Variants in KIN observed in about 807,000 individuals in gnomAD.
KIN encodes the protein DNA/RNA-binding protein KIN17.
In KIN, 47 loss-of-function variants were observed where a neutral mutation model predicts 63.0. The ratio of observed to expected loss-of-function variants is 0.75; its 90% CI spans 0.59 to 0.95. KIN has a LOEUF of 0.95. Among genes scored for constraint, KIN ranks in the 40% least tolerant of loss-of-function variants. The probability of loss-of-function intolerance (pLI) is 0.00; values close to 1 mark genes in which losing one functional copy is unlikely to be tolerated. For missense variants in KIN, 408 were observed against 460.9 expected (o/e 0.89, Z 1.05); for synonymous variants, 160 against 157.7 (o/e 1.01, Z -0.11).
Position 7,787,679 on chromosome 10 carries a change from C to T in KIN, c.114+141G>A, listed in dbSNP as rs554654102. 9 of 669,400 alleles carry T rather than the reference C, an allele frequency of 1.3e-5. No individual in the cohort carries two copies. The East Asian group carries it at 2.3e-4, about 17-fold the overall frequency. The allele number at this position is 669,400 out of a possible 1,614,324, so 41.5% of individuals were successfully genotyped here. A position where few individuals can be genotyped will look rare whatever the true frequency, so the allele number is the denominator to read the frequency against. On this transcript the variant is annotated intron_variant, in intron 1 of 12. Coordinates refer to ENST00000379562, the MANE Select transcript of KIN (RefSeq NM_012311.4). ...CGGCTCTCGTGCGCTGAGTAGTTGA[C>T]TCGCCCACTGCAGACCTCAGAAGCC...
At chr10:7,767,949 A>T (rs967607314) in intron 8 of KIN, among the ~76,000 whole-genome samples, 2 of 151,916 alleles carry the variant, frequency 1.3e-5, no homozygotes, top group South Asian at 2.1e-4. Flanking sequence ...CAGAGGAAAT[A>T]ATATTAAAGA....
intron 7 of KIN, among the ~76,000 whole-genome samples, chr10:7,771,883 G>A (rs1357455399): frequency 9.3e-5 from 12 of 129,130 alleles, no homozygotes; most frequent in Non-Finnish European, 1.6e-4. Context: ...CAACAAGAGC[G>A]AAATTCCGTC....
chr10:7,758,313 G>A (rs980578307), intron 12 of KIN, among the ~76,000 whole-genome samples: 4 of 151,996 alleles, frequency 2.6e-5, no homozygotes, highest in African/African-American at 7.2e-5. Context: ...CAGGTGATTC[G>A]TCCGCCTCAG....
At position 7,756,005 on chromosome 10, in the gene KIN, A is replaced by T; in HGVS notation, c.*75T>A. ...ACAAAAGAATATACCCTAACACAGTAGAGTCTCATAATGCCTTGGCGAACA... is the reference window on the plus strand; with the variant it reads ...ACAAAAGAATATACCCTAACACAGTTGAGTCTCATAATGCCTTGGCGAACA... On this transcript the variant is annotated 3_prime_UTR_variant, in exon 13 of 13. Coordinates refer to ENST00000379562, the MANE Select transcript of KIN (RefSeq NM_012311.4). 1 of 807,386 alleles carries T rather than the reference A, an allele frequency of 1.2e-6. No individual in the cohort carries two copies. Among genetic ancestry groups the T allele is most frequent in the African/African-American group, 1.7e-5 (1 of 58,156 alleles). 50.0% of individuals were successfully genotyped at this position (807,386 alleles called of 1,614,324 possible). A position where few individuals can be genotyped will look rare whatever the true frequency, so the allele number is the denominator to read the frequency against.
At chr10:7,780,445 A>C (rs1588486496) in intron 2 of KIN, 138 bp from the exon 3 acceptor site, 1 of 650,358 alleles carries the variant, frequency 1.5e-6, no homozygotes, top group East Asian at 2.8e-5. Flanking sequence ...CCCAAGCTGG[A>C]GTGCAATAGT....
chr10:7,766,101 A>G lies in KIN; in HGVS notation c.801T>C (p.Ile267=), dbSNP rs762533630. 2 of 1,605,744 alleles carry G rather than the reference A, an allele frequency of 1.2e-6. No homozygotes were observed. The highest frequency in any genetic ancestry group is 2.2e-5 in the South Asian group (2 of 90,518). The change falls in exon 9 of 13, where the codon ATT becomes ATC. Residue 267 remains isoleucine (I), a splice_region_variant and synonymous_variant. Coordinates refer to ENST00000379562, the MANE Select transcript of KIN (RefSeq NM_012311.4). ...KKSALDEIME[I]EEEKKRTART... is the part of the protein sequence containing the mutation. ...GGGCAGTTCTTTTCTTTTCCTCTTC[A>G]ATCTGTAGAACACATAATGTCTTAA...
intron 12 of KIN, among the ~76,000 whole-genome samples, chr10:7,758,210 C>A (rs1588469216): frequency 6.6e-6 from 1 of 152,042 alleles, no homozygotes; most frequent in South Asian, 2.1e-4. Flanking sequence ...GCTGGGACTT[C>A]AGGCATTTGC....
Position 7,775,809 on chromosome 10 carries a change from A to C in KIN, c.559-10T>G, listed in dbSNP as rs968881251. On this transcript the variant is annotated splice_polypyrimidine_tract_variant and intron_variant, in intron 5 of 12. Transcript: ENST00000379562. ...TAAAAGTAGGGACCTCCTAAAAAAA[A>C]GAAAGTTTTAAGGTTTTGGTGTACA... 4 of 1,535,792 alleles carry C rather than the reference A, an allele frequency of 2.6e-6. No individual in the cohort carries two copies. Among genetic ancestry groups the C allele is most frequent in the Non-Finnish European group, 3.5e-6 (4 of 1,129,312 alleles).
intron 2 of KIN, 41 bp from the exon 3 acceptor site, chr10:7,780,348 A>C (rs1391915599): frequency 6.7e-7 from 1 of 1,494,444 alleles, no homozygotes; most frequent in South Asian, 1.2e-5. Context: ...TAATTTCTAC[A>C]AACATATAGC....
intron 7 of KIN, among the ~76,000 whole-genome samples, chr10:7,774,486 C>T (rs919618928): frequency 6.6e-6 from 1 of 151,790 alleles, no homozygotes; most frequent in Admixed American, 6.6e-5. Context: ...ATGAGGCTTT[C>T]CTCAAAAAAC....
intron 12 of KIN, 101 bp from the exon 13 acceptor site, chr10:7,756,243 C>G: frequency 1.8e-6 from 1 of 566,972 alleles, no homozygotes. Context: ...TTTTCCGCAT[C>G]CCTAAAATAC....
At chr10:7,763,682 A>G (rs1273681628) in intron 10 of KIN, 41 bp downstream of exon 10, 4 of 1,135,316 alleles carry the variant, frequency 3.5e-6, no homozygotes, top group East Asian at 5.0e-5. Context: ...CAGTGACCCA[A>G]GCTTTTTTCA....
chr10:7,787,989 G>T lies in KIN; in HGVS notation c.-56C>A. 1 of 1,439,120 alleles carries T rather than the reference G, an allele frequency of 6.9e-7. No individual in the cohort carries two copies. The highest frequency in any genetic ancestry group is 9.8e-7 in the Non-Finnish European group (1 of 1,020,666). The allele number at this position is 1,439,120 out of a possible 1,614,324, so 89.1% of individuals were successfully genotyped here. A position where few individuals can be genotyped will look rare whatever the true frequency, so the allele number is the denominator to read the frequency against. On this transcript the variant is annotated 5_prime_UTR_variant, in exon 1 of 13. Transcript: ENST00000379562. ...CCCAGTACTCAGCCAGCCGGAAACGGAACCGGGCTGGCGGCGGTGGGCGGG... is the reference window on the plus strand; with the variant it reads ...CCCAGTACTCAGCCAGCCGGAAACGTAACCGGGCTGGCGGCGGTGGGCGGG...
chr10:7,762,880 A>G (rs1330458311), intron 10 of KIN, among the ~76,000 whole-genome samples: 1 of 152,240 alleles, frequency 6.6e-6, no homozygotes, highest in East Asian at 1.9e-4. Flanking sequence ...ATAGGCATGC[A>G]CAAGGCTGGG....
intron 11 of KIN, among the ~76,000 whole-genome samples, chr10:7,761,650 A>G (rs889554738): frequency 8.5e-5 from 13 of 152,208 alleles, no homozygotes; most frequent in African/African-American, 3.1e-4. Flanking sequence ...GATGCAATCA[A>G]AATTATTTAA....
chr10:7,782,851 A>G (rs1835924759), intron 2 of KIN, among the ~76,000 whole-genome samples: 1 of 152,172 alleles, frequency 6.6e-6, no homozygotes, highest in African/African-American at 2.4e-5. Context: ...AGAATGAAAG[A>G]CAGTTTTGTA....
In KIN at chr10:7,751,885, A is replaced by C. The variant is rs1363647244; in HGVS notation, c.*4195T>G. ...TAACGATGTACTAAAAATACAAAAA[A>C]TTAGCCGGGCGCGGTGGCGGGCGCC... On this transcript the variant is annotated 3_prime_UTR_variant, in exon 13 of 13. Transcript: ENST00000379562. 6 of 28,476 alleles carry C rather than the reference A, an allele frequency of 2.1e-4. 3 individuals carry two copies. Among genetic ancestry groups the C allele is most frequent in the South Asian group, 1.7e-3 (2 of 1,202 alleles). 1.8% of individuals were successfully genotyped at this position (28,476 alleles called of 1,614,324 possible).
At position 7,775,762 on chromosome 10, in the gene KIN, T is replaced by C; in HGVS notation, c.596A>G (p.Asp199Gly). The change falls in exon 6 of 13, where the codon GAT becomes GGT. Residue 199 changes from aspartate (D) to glycine (G), a missense_variant. Physicochemically the swap from Asp to Gly is moderately conservative, Grantham distance 94. Transcript: ENST00000379562. ...AAAAATAAAACTACCTTTCTCTTCA[T>C]CATTTTCTCTGCTTAATTCCGTAAA... ...PTFTELSREN[D>G]EEKVTFNLSK... is the part of the protein sequence containing the mutation. 2.6e-6 allele frequency: 4 copies of C among 1,540,130 alleles called. No homozygotes were observed. The highest frequency in any genetic ancestry group is 3.5e-6 in the Non-Finnish European group (4 of 1,135,336).
At chr10:7,762,615 G>A in intron 10 of KIN, 59 bp from the exon 11 acceptor site, 7 of 880,528 alleles carry the variant, frequency 7.9e-6, no homozygotes, top group East Asian at 2.6e-5. Context: ...TCATTTAAAA[G>A]GTCAAAAGCA....
Sources: gnomAD v4.1 joint callset for allele counts (sites outside exome capture counted in the v4.1 genomes callset) on GRCh38, gnomAD v4.1.1 for gene constraint, MANE v1.5 for transcripts, NCBI Gene and HGNC (gene_info 2026-07-23, HGNC 2026-07-21) for gene names.